UBR4: variants seen among roughly 807,000 people sequenced by gnomAD.
UBR4 encodes the protein E3 ubiquitin-protein ligase UBR4.
UBR4 carries 124 observed loss-of-function variants against 575.6 expected under a neutral mutation model. That is an observed-to-expected ratio of 0.22 (90% CI 0.19 to 0.25). The LOEUF (loss-of-function observed/expected upper bound fraction) is 0.25. UBR4 is among the 10% of genes least tolerant of loss of function. The probability of loss-of-function intolerance (pLI) is 1.00; values close to 1 mark genes in which losing one functional copy is unlikely to be tolerated. For synonymous variants in UBR4, 2,455 were observed against 2,473.7 expected, an observed-to-expected ratio of 0.99 and a Z score of 0.22; for missense variants, 4,818 against 6,478.8, an observed-to-expected ratio of 0.74 and a Z score of 8.80.
In UBR4 at chr1:19,207,486, G is replaced by A. The variant is rs567861536; in HGVS notation, c.176+2587C>T. Among the ~76,000 whole-genome samples the A allele has an allele frequency of 8.5e-5, 13 of 152,244 alleles. No homozygotes were observed. The East Asian group carries it at 1.5e-3, about 18-fold the overall frequency. Reference sequence around the variant, plus strand: ...TCTACTACAAATACAAAAATTAGCCGGGTCTGGTGGCGCACATCTATAATC... The same window carrying A: ...TCTACTACAAATACAAAAATTAGCCAGGTCTGGTGGCGCACATCTATAATC... On this transcript the variant is annotated intron_variant, in intron 1 of 105. Coordinates refer to ENST00000375254, the MANE Select transcript of UBR4 (RefSeq NM_020765.3).
At chr1:19,186,466 A>T in intron 14 of UBR4, 74 bp downstream of exon 14, 2 of 1,345,482 alleles carry the variant, frequency 1.5e-6, no homozygotes, top group Non-Finnish European at 1.0e-6. Flanking sequence ...TCAGGAAACT[A>T]CAGGAATCTG....
In UBR4 at chr1:19,126,718, G is replaced by A. The variant is rs747642352; in HGVS notation, c.9229-63C>T. On this transcript the variant is annotated intron_variant, in intron 63 of 105. Coordinates refer to ENST00000375254, the MANE Select transcript of UBR4 (RefSeq NM_020765.3). Reference sequence around the variant, plus strand: ...CTTGTAAAAACAATGTGAAATCCAGGTGGGTGTTGGGGATGGGAAACACAC... The same window carrying A: ...CTTGTAAAAACAATGTGAAATCCAGATGGGTGTTGGGGATGGGAAACACAC... The A allele has an allele frequency of 1.3e-4, 209 of 1,561,702 alleles. 3 individuals carry two copies. In the South Asian group the frequency reaches 2.0e-3, roughly 15 times the overall value.
rs1312395121 is a variant in UBR4 at position 19,081,480 on chromosome 1, C to T, written c.15102G>A (p.Gly5034=). ...GGGCCAAGACTGTGAAATAGTAGGG[C>T]CCGTCCACTTCAAAGGCACTCTCCA... ...KWVESAFEVD[G]PYYFTVLALH... is the part of the protein sequence containing the mutation. The change falls in exon 103 of 106, where the codon GGG becomes GGA. Residue 5034 remains glycine (G), a synonymous_variant. Transcript: ENST00000375254. 1 of 1,613,972 alleles carries T rather than the reference C, an allele frequency of 6.2e-7. No homozygotes were observed. The highest frequency in any genetic ancestry group is 2.2e-5 in the East Asian group (1 of 44,842).
chr1:19,082,047 T>C (rs2076569242), intron 102 of UBR4: 2 of 519,582 alleles, frequency 3.8e-6, no homozygotes, highest in Non-Finnish European at 3.4e-6. Context: ...AGTCTTGTTA[T>C]GTTATGTTTA....
At chr1:19,133,791 AAAC>A (rs2082828369) in intron 60 of UBR4, among the ~76,000 whole-genome samples, 1 of 151,950 alleles carries the variant, frequency 6.6e-6, no homozygotes, top group South Asian at 2.1e-4. Context: ...ACAAAAAAAA[AAAC>A]TAGGCTGGGT....
rs1414138941 is a variant in UBR4 at position 19,124,495 on chromosome 1, A to G, written c.9588+46T>C. 1.9e-6 allele frequency: 3 copies of G among 1,607,658 alleles called. No homozygotes were observed. The South Asian group carries it at 3.3e-5, about 18-fold the overall frequency. ...AAGGGGCCCACAGAGGTGAATGCAG[A>G]TGTGTCCTCAGCCCAACAAGCATGC... is the stretch of plus-strand genomic sequence containing the variant. On this transcript the variant is annotated intron_variant, in intron 65 of 105. Coordinates refer to ENST00000375254, the MANE Select transcript of UBR4 (RefSeq NM_020765.3).
At position 19,198,475 on chromosome 1, in the gene UBR4, T is replaced by C. The variant is rs2092585308; in HGVS notation, c.648+66A>G. ...CACAAACATAAAATACATCACTTTT[T>C]CTCCCCTAGTGTTATCATCTTAACA... is the stretch of plus-strand genomic sequence containing the variant. On this transcript the variant is annotated intron_variant, in intron 5 of 105. Coordinates refer to ENST00000375254, the MANE Select transcript of UBR4 (RefSeq NM_020765.3). 3 of 1,537,682 alleles carry C rather than the reference T, an allele frequency of 2.0e-6. No individual in the cohort carries two copies. The East Asian group carries it at 6.8e-5, about 35-fold the overall frequency.
chr1:19,117,768 A>G lies in UBR4; in HGVS notation c.10629+55T>C, dbSNP rs2080712674. 1 of 1,514,914 alleles carries G rather than the reference A, an allele frequency of 6.6e-7. No individual in the cohort carries two copies. The highest frequency in any genetic ancestry group is 1.4e-5 in the African/African-American group (1 of 72,698). The allele number at this position is 1,514,914 out of a possible 1,614,324, so 93.8% of individuals were successfully genotyped here. A position where few individuals can be genotyped will look rare whatever the true frequency, so the allele number is the denominator to read the frequency against. Reference sequence around the variant, plus strand: ...TGATAATGATCCATCTCTGGAAACAAGAATCCCACTGGACCTATTGGCCTC... The same window carrying G: ...TGATAATGATCCATCTCTGGAAACAGGAATCCCACTGGACCTATTGGCCTC... On this transcript the variant is annotated intron_variant, in intron 72 of 105. Coordinates refer to ENST00000375254, the MANE Select transcript of UBR4 (RefSeq NM_020765.3). The surrounding 1 kb of genome is among the most constrained non-coding windows in gnomAD (Gnocchi z 4.0).
chr1:19,123,084 G>C (rs1034015643), intron 65 of UBR4, 24 bp from the exon 66 acceptor site: 1 of 1,610,836 alleles, frequency 6.2e-7, no homozygotes, highest in East Asian at 2.2e-5. Flanking sequence ...ACACCACAAA[G>C]AGTAAATGAC....
intron 1 of UBR4, among the ~76,000 whole-genome samples, chr1:19,206,180 C>G (rs2092996771): frequency 6.6e-6 from 1 of 152,138 alleles, no homozygotes; most frequent in Middle Eastern, 3.2e-3. Context: ...AGAGTTTAAG[C>G]TGGGCCCGGT....
In UBR4 at chr1:19,153,273, C is replaced by T; in HGVS notation, c.6832+28G>A. ...CTAGAAGACCACCATTCCTACTCCC[C>T]CACAAGTCATCTGAGAAGGAGCCTT... On this transcript the variant is annotated intron_variant, in intron 46 of 105. Coordinates refer to ENST00000375254, the MANE Select transcript of UBR4 (RefSeq NM_020765.3). The surrounding 1 kb of genome is among the most constrained non-coding windows in gnomAD (Gnocchi z 4.1). 3.1e-6 allele frequency: 5 copies of T among 1,612,616 alleles called. No homozygotes were observed. The highest frequency in any genetic ancestry group is 4.2e-6 in the Non-Finnish European group (5 of 1,178,818).
intron 62 of UBR4, 21 bp from the exon 63 acceptor site, chr1:19,127,760 C>T: frequency 6.3e-7 from 1 of 1,592,432 alleles, no homozygotes; most frequent in Non-Finnish European, 8.6e-7. Flanking sequence ...AAGCGTAAGT[C>T]CAGAAACCTC....
chr1:19,133,735 G>T (rs2082816715), intron 60 of UBR4, among the ~76,000 whole-genome samples: 1 of 151,510 alleles, frequency 6.6e-6, no homozygotes, highest in African/African-American at 2.4e-5. Context: ...ATCACTTGAG[G>T]CCAGGAGTTC....
intron 25 of UBR4, among the ~76,000 whole-genome samples, chr1:19,171,146 T>A (rs1297826639): frequency 6.6e-6 from 1 of 152,072 alleles, no homozygotes; most frequent in East Asian, 1.9e-4. Context: ...CTATCCTCCT[T>A]CCCCACCTCA....
At position 19,101,607 on chromosome 1, in the gene UBR4, C is replaced by T. The variant is rs753241571; in HGVS notation, c.12936G>A (p.Val4312=). The T allele has an allele frequency of 6.2e-7, 1 of 1,613,468 alleles. No homozygotes were observed. Among genetic ancestry groups the T allele is most frequent in the Non-Finnish European group, 8.5e-7 (1 of 1,179,410 alleles). ...TGTAGCGCTTGGCTGTCTCAATGCA[C>T]ACAGCCATGAAGGCCTTGGTTTCTG... is the stretch of plus-strand genomic sequence containing the variant. ...TESETKAFMA[V]CIETAKRYNL... is the part of the protein sequence containing the mutation. Residue 4312 remains valine (V), a synonymous_variant, in exon 88 of 106, where the codon GTG becomes GTA. Coordinates refer to ENST00000375254, the MANE Select transcript of UBR4 (RefSeq NM_020765.3).
In UBR4 at chr1:19,192,256, G is replaced by A; in HGVS notation, c.1326C>T (p.Leu442=). The part of the protein sequence containing the change: ...KGKEKDPLAA[L]RVRDILSRTK... ...TACGAGAAAGGATGTCTCTGACTCG[G>A]AGGGCAGCCAGTGGGTCCTTCTCTT... The change falls in exon 11 of 106, where the codon CTC becomes CTT. Residue 442 remains leucine (L), a synonymous_variant. Transcript: ENST00000375254. 4 of 1,614,200 alleles carry A rather than the reference G, an allele frequency of 2.5e-6. No individual in the cohort carries two copies. Among genetic ancestry groups the A allele is most frequent in the Non-Finnish European group, 3.4e-6 (4 of 1,180,036 alleles).
At position 19,165,454 on chromosome 1, in the gene UBR4, A is replaced by T. The variant is rs962473928; in HGVS notation, c.4212-105T>A. 3 of 1,119,436 alleles carry T rather than the reference A, an allele frequency of 2.7e-6. 1 individual carries two copies. Among genetic ancestry groups the T allele is most frequent in the East Asian group, 2.4e-5 (1 of 42,536 alleles). 69.3% of individuals were successfully genotyped at this position (1,119,436 alleles called of 1,614,324 possible). A position where few individuals can be genotyped will look rare whatever the true frequency, so the allele number is the denominator to read the frequency against. On this transcript the variant is annotated intron_variant, in intron 30 of 105. Transcript: ENST00000375254. Reference sequence around the variant, plus strand: ...TCTCCTCTGGGGAAAATGACCACTTATGAGTCAATAGCACAAGGTGTTCAT... The same window carrying T: ...TCTCCTCTGGGGAAAATGACCACTTTTGAGTCAATAGCACAAGGTGTTCAT...
chr1:19,184,130 T>A lies in UBR4; in HGVS notation c.1984A>T (p.Met662Leu). The A allele has an allele frequency of 1.9e-6, 3 of 1,614,104 alleles. No individual in the cohort carries two copies. Among genetic ancestry groups the A allele is most frequent in the Non-Finnish European group, 2.5e-6 (3 of 1,180,030 alleles). Residue 662 changes from methionine to leucine, a missense_variant, in exon 16 of 106, where the codon ATG becomes TTG. This residue lies in a region of UBR4 where 1,172 missense variants were observed against 1,259.7 expected (regional missense o/e 0.93). Coordinates refer to ENST00000375254, the MANE Select transcript of UBR4 (RefSeq NM_020765.3). The part of the protein sequence containing the change: ...SNILNFITSS[M>L]LNSRNNFIRN... ...ATAAAATTGTTCCGAGAGTTCAGCA[T>A]GGAAGAGGTGATGAAGTTCAAAATG...
At chr1:19,094,463 G>A (rs1366952506) in intron 94 of UBR4, among the ~76,000 whole-genome samples, 2 of 152,166 alleles carry the variant, frequency 1.3e-5, no homozygotes, top group Non-Finnish European at 2.9e-5. Flanking sequence ...AATAAGAATG[G>A]AGGAAATTAC....
Sources: gnomAD v4.1 joint callset for allele counts (sites outside exome capture counted in the v4.1 genomes callset) on GRCh38, gnomAD v4.1.1 for gene constraint, gnomAD v4.1.1 regional missense constraint, Gnocchi (gnomAD v3.1) non-coding constraint, MANE v1.5 for transcripts, NCBI Gene and HGNC (gene_info 2026-07-23, HGNC 2026-07-21) for gene names.